TCF12: variants seen among roughly 807,000 people sequenced by gnomAD.
TCF12 encodes the protein DNA-binding protein HTF4.
TCF12 carries 45 observed loss-of-function variants against 86.0 expected under a neutral mutation model. The observed-to-expected ratio is 0.52, with a 90% CI of 0.41 to 0.67. The LOEUF is 0.67. Among genes scored for constraint, TCF12 ranks in the 30% least tolerant of loss-of-function variants. TCF12 has a pLI of 0.00. For synonymous variants in TCF12, 330 were observed against 299.6 expected (o/e 1.10, Z -1.05); for missense variants, 881 against 859.9 (o/e 1.02, Z -0.31).
intron 18 of TCF12, among the ~76,000 whole-genome samples, chr15:57,270,945 C>T (rs539268891): frequency 6.6e-6 from 1 of 152,276 alleles, no homozygotes; most frequent in African/African-American, 2.4e-5. Context: ...GAAGCTTCGT[C>T]CCAGAGGGGC....
chr15:57,164,150 T>C (rs1196747074), intron 5 of TCF12, among the ~76,000 whole-genome samples: 1 of 152,120 alleles, frequency 6.6e-6, no homozygotes, highest in Non-Finnish European at 1.5e-5. Context: ...ATTTAGTATA[T>C]TGAATACAAA....
chr15:56,950,517 C>T (rs148566316), intron 3 of TCF12, among the ~76,000 whole-genome samples: 163 of 152,174 alleles, frequency 1.1e-3, no homozygotes, highest in African/African-American at 3.5e-3. Context: ...TGAGCCACTG[C>T]GCCTGGGTGC....
chr15:57,239,805 A>G (rs1464725392), intron 12 of TCF12, among the ~76,000 whole-genome samples: 2 of 152,150 alleles, frequency 1.3e-5, no homozygotes, highest in African/African-American at 4.8e-5. Flanking sequence ...ATAGAAGAGT[A>G]GAGATGGGAA....
At chr15:56,919,776 G>C (rs147497019) in intron 1 of TCF12, 116 bp from the exon 2 acceptor site, 5 of 867,888 alleles carry the variant, frequency 5.8e-6, no homozygotes, top group Non-Finnish European at 8.7e-6. Flanking sequence ...CGGGGTCCTG[G>C]AAGTCATCCC....
intron 3 of TCF12, among the ~76,000 whole-genome samples, chr15:57,018,646 G>A (rs1291773067): frequency 6.6e-6 from 1 of 151,606 alleles, no homozygotes; most frequent in Non-Finnish European, 1.5e-5. Context: ...TTGCCATGTT[G>A]CCCAGGCTGG....
intron 5 of TCF12, among the ~76,000 whole-genome samples, chr15:57,132,603 A>G (rs1253087790): frequency 6.6e-6 from 1 of 152,182 alleles, no homozygotes; most frequent in Non-Finnish European, 1.5e-5. Context: ...TTATCAAAGA[A>G]ATCTACTGGT....
intron 6 of TCF12, among the ~76,000 whole-genome samples, chr15:57,184,659 C>T (rs1365469415): frequency 4.6e-5 from 7 of 152,000 alleles, no homozygotes; most frequent in South Asian, 2.1e-4. Context: ...TGCCCTTAAG[C>T]ATGTGGTAAT....
intron 3 of TCF12, among the ~76,000 whole-genome samples, chr15:56,957,553 G>A (rs1247430270): frequency 1.3e-5 from 2 of 152,052 alleles, no homozygotes; most frequent in Non-Finnish European, 2.9e-5. Flanking sequence ...ACCTTTGCAA[G>A]TTTGATTTGT....
chr15:57,006,951 A>G (rs1313075845), intron 3 of TCF12, among the ~76,000 whole-genome samples: 2 of 152,128 alleles, frequency 1.3e-5, no homozygotes, highest in Non-Finnish European at 2.9e-5. Context: ...AAAATGAGAT[A>G]TGGCAATTAA....
chr15:57,188,173 A>T (rs8040557), intron 6 of TCF12, among the ~76,000 whole-genome samples: 1 of 152,146 alleles, frequency 6.6e-6, no homozygotes, highest in Non-Finnish European at 1.5e-5. Context: ...TCCATTTACA[A>T]TAGTATTTAA....
intron 16 of TCF12, among the ~76,000 whole-genome samples, chr15:57,257,082 A>G (rs1462302009): frequency 6.6e-6 from 1 of 152,234 alleles, no homozygotes; most frequent in Non-Finnish European, 1.5e-5. Flanking sequence ...ATGAAAACAG[A>G]TGGGCACGGC....
intron 1 of TCF12, chr15:56,919,498 T>C: frequency 6.2e-6 from 1 of 161,532 alleles, no homozygotes; most frequent in Non-Finnish European, 1.4e-5. Context: ...TCGCCGCCGC[T>C]CCGCTCGCTG....
At chr15:57,253,739 A>G (rs1440976563) in intron 16 of TCF12, among the ~76,000 whole-genome samples, 7 of 152,240 alleles carry the variant, frequency 4.6e-5, no homozygotes, top group Non-Finnish European at 1.0e-4. Context: ...TTGGCACAGC[A>G]GTTTTTGCCT....
chr15:57,199,036 A>G (rs1481797445), intron 8 of TCF12, among the ~76,000 whole-genome samples: 1 of 152,158 alleles, frequency 6.6e-6, no homozygotes, highest in African/African-American at 2.4e-5. Flanking sequence ...AGTTTTATGC[A>G]GCCTAGGGCA....
intron 3 of TCF12, among the ~76,000 whole-genome samples, chr15:56,955,614 T>C (rs756183279): frequency 6.6e-6 from 1 of 152,184 alleles, no homozygotes; most frequent in Non-Finnish European, 1.5e-5. Context: ...TTGTATGAAT[T>C]GAGTGATTTT....
intron 3 of TCF12, among the ~76,000 whole-genome samples, chr15:56,986,378 G>A (rs2063179386): frequency 6.6e-6 from 1 of 152,074 alleles, no homozygotes; most frequent in South Asian, 2.1e-4. Flanking sequence ...GCTACTTTTT[G>A]AAATAAAACT....
chr15:57,068,995 A>C (rs1334858477), intron 4 of TCF12, among the ~76,000 whole-genome samples: 1 of 152,168 alleles, frequency 6.6e-6, no homozygotes, highest in Non-Finnish European at 1.5e-5. Flanking sequence ...TTGATGTACA[A>C]ATTCTGTTTC....
At chr15:57,082,795 T>G (rs765920705) in intron 4 of TCF12, among the ~76,000 whole-genome samples, 14 of 152,204 alleles carry the variant, frequency 9.2e-5, no homozygotes, top group Non-Finnish European at 1.8e-4. Context: ...TGCAAACCAG[T>G]AATTTCACAT....
At chr15:57,033,691 G>A (rs777641135) in intron 3 of TCF12, among the ~76,000 whole-genome samples, 3 of 152,070 alleles carry the variant, frequency 2.0e-5, no homozygotes, top group African/African-American at 7.2e-5. Context: ...ATTTTTCTAC[G>A]TATAGAATTT....
Sources: allele counts gnomAD v4.1 joint callset (sites outside exome capture counted in the v4.1 genomes callset), GRCh38; gene constraint gnomAD v4.1.1; transcripts MANE v1.5; gene names NCBI Gene and HGNC (gene_info 2026-07-23, HGNC 2026-07-21).